INPP4B: variants seen among roughly 807,000 people sequenced by gnomAD.
INPP4B encodes the protein inositol polyphosphate-4-phosphatase type II B.
A neutral mutation model predicts 122.5 loss-of-function variants in INPP4B; 55 were observed. That is an observed-to-expected ratio of 0.45 (90% CI 0.36 to 0.56). The LOEUF (loss-of-function observed/expected upper bound fraction) is 0.56. Ranked by LOEUF, INPP4B falls within the 20% of genes least tolerant of loss-of-function variation. The pLI, the probability that INPP4B is intolerant of heterozygous loss-of-function variation, is 0.00. For synonymous variants in INPP4B, 403 were observed against 388.7 expected, an observed-to-expected ratio of 1.04 and a Z score of -0.43; for missense variants, 1,000 against 1,097.7, an observed-to-expected ratio of 0.91 and a Z score of 1.26.
At chr4:142,100,351 T>C (rs1014222505) in intron 23 of INPP4B, among the ~76,000 whole-genome samples, 1 of 152,096 alleles carries the variant, frequency 6.6e-6, no homozygotes, top group Non-Finnish European at 1.5e-5. Flanking sequence ...AACTTTTCCA[T>C]TCACGGTCCC....
intron 2 of INPP4B, among the ~76,000 whole-genome samples, chr4:142,681,191 G>T (rs868799181): frequency 7.9e-5 from 12 of 151,718 alleles, no homozygotes; most frequent in African/African-American, 2.9e-4. Context: ...GACTGTAATT[G>T]CATGGCCCTT....
chr4:142,261,583 C>A (rs2150399625), intron 10 of INPP4B, among the ~76,000 whole-genome samples: 1 of 152,242 alleles, frequency 6.6e-6, no homozygotes, highest in Admixed American at 6.5e-5. Flanking sequence ...GCTCAAGGGG[C>A]TCTGAGGGCT....
At chr4:142,098,777 T>A (rs1023305924) in intron 23 of INPP4B, among the ~76,000 whole-genome samples, 2 of 152,216 alleles carry the variant, frequency 1.3e-5, no homozygotes, top group Admixed American at 1.3e-4. Context: ...GATTAAGGTG[T>A]TAAGCAGGAT....
chr4:142,695,844 T>C (rs888375092), intron 2 of INPP4B, among the ~76,000 whole-genome samples: 2 of 152,198 alleles, frequency 1.3e-5, no homozygotes, highest in Non-Finnish European at 2.9e-5. Context: ...TATACTTATT[T>C]GGCATATTTT....
intron 18 of INPP4B, among the ~76,000 whole-genome samples, chr4:142,136,656 A>G (rs1004645801): frequency 2.6e-5 from 4 of 152,192 alleles, no homozygotes; most frequent in Admixed American, 2.6e-4. Flanking sequence ...AAGTGCCTTG[A>G]AGTGGCAGGT....
rs149570365 is a variant in INPP4B, at chr4:142,814,881, G to A, written c.-254+31328C>T. On this transcript the variant is annotated intron_variant, in intron 1 of 25. Coordinates refer to ENST00000262992, the MANE Select transcript of INPP4B (RefSeq NM_001101669.3). ...GTTCCCCCATTCCCATTCCTGAAGTGTAGGCTGTGCACAGTAACTCCCTTC... is the reference window on the plus strand; with the variant it reads ...GTTCCCCCATTCCCATTCCTGAAGTATAGGCTGTGCACAGTAACTCCCTTC... 2.8e-3 allele frequency among the ~76,000 whole-genome samples: 420 copies of A among 152,284 alleles called. 2 individuals are homozygous for A. The highest frequency in any genetic ancestry group is 9.2e-3 in the African/African-American group (383 of 41,572).
At chr4:142,252,642 T>C (rs1038779334) in intron 11 of INPP4B, among the ~76,000 whole-genome samples, 7 of 152,236 alleles carry the variant, frequency 4.6e-5, no homozygotes, top group Non-Finnish European at 7.3e-5. Flanking sequence ...TAATACCTTG[T>C]TGAAATGCAA....
At chr4:142,683,032 A>G (rs1157487520) in intron 2 of INPP4B, among the ~76,000 whole-genome samples, 1 of 151,918 alleles carries the variant, frequency 6.6e-6, no homozygotes, top group African/African-American at 2.4e-5. Context: ...TTTCCTAGAT[A>G]AGCAAAGTTT....
chr4:142,435,438 T>A (rs1443006858), intron 3 of INPP4B, among the ~76,000 whole-genome samples: 1 of 112,872 alleles, frequency 8.9e-6, no homozygotes, highest in African/African-American at 3.9e-5. Flanking sequence ...TACATAGTTA[T>A]CCCTTTAAGA....
At chr4:142,129,635 A>G (rs921409034) in intron 18 of INPP4B, among the ~76,000 whole-genome samples, 10 of 152,168 alleles carry the variant, frequency 6.6e-5, no homozygotes, top group African/African-American at 9.7e-5. Flanking sequence ...TAGAAGAGTA[A>G]TCAGGAAAAG....
chr4:142,720,972 C>G (rs1764583609), intron 2 of INPP4B, among the ~76,000 whole-genome samples: 2 of 146,180 alleles, frequency 1.4e-5, no homozygotes, highest in African/African-American at 5.1e-5. Flanking sequence ...AAGAGAAGAA[C>G]AAACATACAT....
At chr4:142,345,805 G>T (rs914616897) in intron 7 of INPP4B, among the ~76,000 whole-genome samples, 2 of 151,990 alleles carry the variant, frequency 1.3e-5, no homozygotes, top group African/African-American at 2.4e-5. Context: ...GAGGGTTTAT[G>T]CTTACATGCA....
chr4:142,246,029 C>T lies in INPP4B; in HGVS notation c.689-8018G>A, dbSNP rs1430485026. Among the ~76,000 whole-genome samples the T allele has an allele frequency of 3.2e-4, 42 of 133,154 alleles. 1 individual carries two copies. The highest frequency in any genetic ancestry group is 9.2e-4 in the East Asian group (4 of 4,364). 87.4% of individuals were successfully genotyped at this position (133,154 alleles called of 152,430 possible). ...GTATACACACATGTGTGTATGTACACACACGTGTGTGTATACACACATTAT... is the reference window on the plus strand; with the variant it reads ...GTATACACACATGTGTGTATGTACATACACGTGTGTGTATACACACATTAT... On this transcript the variant is annotated intron_variant, in intron 11 of 25. Transcript: ENST00000262992.
intron 5 of INPP4B, chr4:142,426,678 A>C (rs192864948): frequency 6.6e-6 from 1 of 152,064 alleles, no homozygotes; most frequent in African/African-American, 2.4e-5. Context: ...GGAATTCAAT[A>C]AGCAGAAGAA....
At chr4:142,234,975 A>T (rs924684155) in intron 12 of INPP4B, among the ~76,000 whole-genome samples, 1 of 152,208 alleles carries the variant, frequency 6.6e-6, no homozygotes, top group Non-Finnish European at 1.5e-5. Context: ...TAACAACAAT[A>T]GTAATGACAG....
chr4:142,580,656 A>G (rs1336542895), intron 2 of INPP4B, among the ~76,000 whole-genome samples: 1 of 152,042 alleles, frequency 6.6e-6, no homozygotes, highest in Non-Finnish European at 1.5e-5. Flanking sequence ...ATATGTATTG[A>G]AAATCAGATT....
chr4:142,197,690 T>C (rs1838914120), intron 14 of INPP4B, among the ~76,000 whole-genome samples: 2 of 152,168 alleles, frequency 1.3e-5, no homozygotes, highest in African/African-American at 2.4e-5. Flanking sequence ...TGAATAATTA[T>C]GACAACAGCT....
chr4:142,732,191 T>C (rs983853696), intron 1 of INPP4B, among the ~76,000 whole-genome samples: 5 of 152,230 alleles, frequency 3.3e-5, no homozygotes, highest in African/African-American at 1.2e-4. Flanking sequence ...CAGACTCATT[T>C]ACTGAAGAGT....
chr4:142,725,267 T>A (rs1328045738), intron 2 of INPP4B, among the ~76,000 whole-genome samples: 4 of 152,132 alleles, frequency 2.6e-5, no homozygotes, highest in Non-Finnish European at 5.9e-5. Context: ...TATGCATCTG[T>A]TAAGTATAAT....
Sources: gnomAD v4.1 joint callset for allele counts (sites outside exome capture counted in the v4.1 genomes callset) on GRCh38, gnomAD v4.1.1 for gene constraint, MANE v1.5 for transcripts, NCBI Gene and HGNC (gene_info 2026-07-23, HGNC 2026-07-21) for gene names.